Variants in PLXNA4 observed in about 807,000 individuals in gnomAD.
PLXNA4 encodes plexin-A4.
A neutral mutation model predicts 191.8 loss-of-function variants in PLXNA4; 44 were observed. That is an observed-to-expected ratio of 0.23 (90% CI 0.18 to 0.29). PLXNA4 has a LOEUF of 0.29. Among genes scored for constraint, PLXNA4 ranks in the 10% least tolerant of loss-of-function variants. PLXNA4 has a pLI of 1.00. For synonymous variants in PLXNA4, 1,082 were observed against 1,009.5 expected, an observed-to-expected ratio of 1.07 and a Z score of -1.36; for missense variants, 1,800 against 2,488.8, an observed-to-expected ratio of 0.72 and a Z score of 5.89.
intron 3 of PLXNA4, among the ~76,000 whole-genome samples, chr7:132,372,915 G>A (rs1184074566): frequency 1.3e-5 from 2 of 152,226 alleles, no homozygotes; most frequent in East Asian, 1.9e-4. Flanking sequence ...GAGCATGGAA[G>A]TGCCTTGAAA....
intron 10 of PLXNA4, among the ~76,000 whole-genome samples, chr7:132,210,077 T>A (rs62468399): frequency 0.039 from 5,968 of 152,326 alleles, 141 homozygotes; most frequent in African/African-American, 0.066. Context: ...GATCTGCCCC[T>A]GCTTCCAGGC....
intron 3 of PLXNA4, among the ~76,000 whole-genome samples, chr7:132,304,979 G>A (rs1442076083): frequency 1.3e-5 from 2 of 152,212 alleles, no homozygotes; most frequent in Non-Finnish European, 2.9e-5. Flanking sequence ...AGGCTCATTT[G>A]ATGCACCCAT....
In PLXNA4 at chr7:132,127,568, C is replaced by G. The variant is rs542440905; in HGVS notation, c.*2911G>C. On this transcript the variant is annotated 3_prime_UTR_variant, in exon 32 of 32. Transcript: ENST00000321063. ...ATCACACGTGCACCAAGAATCCAAACGGAAGAAATGGAAAACAAACAGCAG... is the reference window on the plus strand; with the variant it reads ...ATCACACGTGCACCAAGAATCCAAAGGGAAGAAATGGAAAACAAACAGCAG... 11 of 152,126 alleles carry G rather than the reference C, an allele frequency of 7.2e-5. No individual in the cohort carries two copies. The highest frequency in any genetic ancestry group is 2.7e-4 in the African/African-American group (11 of 41,416). The allele number at this position is 152,126 out of a possible 1,614,324, so 9.4% of individuals were successfully genotyped here.
chr7:132,489,595 T>C (rs1797700766), intron 2 of PLXNA4, 121 bp from the exon 3 acceptor site: 1 of 921,766 alleles, frequency 1.1e-6, no homozygotes, highest in African/African-American at 1.7e-5. Flanking sequence ...TAACAATCCC[T>C]CTTTTTTACA....
intron 1 of PLXNA4, among the ~76,000 whole-genome samples, chr7:132,572,974 G>C (rs1307511773): frequency 2.6e-5 from 4 of 152,024 alleles, no homozygotes; most frequent in Admixed American, 2.6e-4. Context: ...TAATCATCCA[G>C]CTGTCGTTAA....
chr7:132,369,577 G>A (rs901235315), intron 3 of PLXNA4, among the ~76,000 whole-genome samples: 1 of 152,036 alleles, frequency 6.6e-6, no homozygotes, highest in Non-Finnish European at 1.5e-5. Context: ...AAAAAGAGAG[G>A]GCACCGACCA....
At chr7:132,164,314 G>T in intron 23 of PLXNA4, 26 bp from the exon 24 acceptor site, 1 of 1,612,132 alleles carries the variant, frequency 6.2e-7, no homozygotes, top group Non-Finnish European at 8.5e-7. Context: ...ACGTCATTAG[G>T]AGGAGCTCTT....
At chr7:132,132,450 CTGTTCTGT>C (rs1563048227) in intron 31 of PLXNA4, among the ~76,000 whole-genome samples, 874 of 47,942 alleles carry the variant, frequency 0.018, 26 homozygotes, top group South Asian at 0.024. Flanking sequence ...CTGTTCTGTT[CTGTTCTGT>C]TCTGTTCTGC....
At chr7:132,562,933 TC>T (rs1801323810) in intron 1 of PLXNA4, among the ~76,000 whole-genome samples, 1 of 90,354 alleles carries the variant, frequency 1.1e-5, no homozygotes, top group Non-Finnish European at 2.2e-5. Flanking sequence ...CTCCTCTCCC[TC>T]CTCCTCTCCC....
At chr7:132,492,911 G>C (rs1034739261) in intron 2 of PLXNA4, among the ~76,000 whole-genome samples, 3 of 152,306 alleles carry the variant, frequency 2.0e-5, no homozygotes, top group African/African-American at 4.8e-5. Flanking sequence ...TGGCTGCAGG[G>C]TGTGGCCCTA....
chr7:132,554,958 A>T (rs1800723607), intron 1 of PLXNA4, among the ~76,000 whole-genome samples: 1 of 150,098 alleles, frequency 6.7e-6, no homozygotes, highest in Non-Finnish European at 1.5e-5. Context: ...ATAATTACTC[A>T]CTAATGGTTA....
intron 24 of PLXNA4, among the ~76,000 whole-genome samples, chr7:132,163,436 T>A (rs932571774): frequency 6.6e-6 from 1 of 152,182 alleles, no homozygotes; most frequent in African/African-American, 2.4e-5. Context: ...TTTTTTCAGA[T>A]AAAGAGACCC....
chr7:132,400,308 A>G (rs1392093425), intron 3 of PLXNA4, among the ~76,000 whole-genome samples: 2 of 152,164 alleles, frequency 1.3e-5, no homozygotes, highest in African/African-American at 4.8e-5. Flanking sequence ...ACTGACAATT[A>G]TATTTTCCTG....
intron 3 of PLXNA4, among the ~76,000 whole-genome samples, chr7:132,463,279 C>T (rs1796584831): frequency 6.6e-6 from 1 of 152,140 alleles, no homozygotes; most frequent in Non-Finnish European, 1.5e-5. Context: ...TTATCCAGCA[C>T]AGGTTAGGTT....
chr7:132,137,126 T>C (rs1002225372), intron 30 of PLXNA4, among the ~76,000 whole-genome samples: 3 of 152,238 alleles, frequency 2.0e-5, no homozygotes, highest in African/African-American at 7.2e-5. Context: ...ATCTCACCTC[T>C]AGACTATATC....
At chr7:132,428,952 G>C (rs536467263) in intron 3 of PLXNA4, among the ~76,000 whole-genome samples, 39 of 152,246 alleles carry the variant, frequency 2.6e-4, no homozygotes, top group African/African-American at 8.4e-4. Context: ...GGGGTGCAAG[G>C]GCTTAGACCC....
chr7:132,561,345 C>T (rs1801038009), intron 1 of PLXNA4, among the ~76,000 whole-genome samples: 1 of 149,678 alleles, frequency 6.7e-6, no homozygotes, highest in South Asian at 2.2e-4. Flanking sequence ...CTTCCTCCTC[C>T]TCCTCTTCCT....
intron 23 of PLXNA4, 30 bp downstream of exon 23, chr7:132,165,104 G>C: frequency 6.2e-7 from 1 of 1,608,322 alleles, no homozygotes; most frequent in Middle Eastern, 1.7e-4. Flanking sequence ...AACGAGGCAA[G>C]GCCAGAAATA....
At chr7:132,270,677 A>G (rs986498130) in intron 4 of PLXNA4, among the ~76,000 whole-genome samples, 6 of 152,214 alleles carry the variant, frequency 3.9e-5, no homozygotes, top group South Asian at 2.1e-4. Flanking sequence ...TACTGCTAAT[A>G]AACCTGATGT....
Sources: allele counts gnomAD v4.1 joint callset (sites outside exome capture counted in the v4.1 genomes callset), GRCh38; gene constraint gnomAD v4.1.1; transcripts MANE v1.5; gene names NCBI Gene and HGNC (gene_info 2026-07-23, HGNC 2026-07-21).